Variants in CELF2 observed in about 807,000 individuals in gnomAD.
The protein encoded by CELF2 is CUGBP Elav-like family member 2.
Under a neutral mutation model 62.6 loss-of-function variants are expected in CELF2, and 8 were observed. The ratio of observed to expected loss-of-function variants is 0.13; its 90% CI spans 0.07 to 0.23. The LOEUF is 0.23. Ranked by LOEUF, CELF2 falls within the 10% of genes least tolerant of loss-of-function variation. The pLI is 1.00. For synonymous variants in CELF2, 258 were observed against 250.0 expected, an observed-to-expected ratio of 1.03 and a Z score of -0.30; for missense variants, 333 against 671.0, an observed-to-expected ratio of 0.50 and a Z score of 5.56.
In CELF2 at chr10:11,214,138, G is replaced by A. The variant is rs571743919; in HGVS notation, c.272-3287G>A. 6.6e-6 allele frequency among the ~76,000 whole-genome samples: 1 copy of A among 152,132 alleles called. No homozygotes were observed. Among genetic ancestry groups the A allele is most frequent in the African/African-American group, 2.4e-5 (1 of 41,416 alleles). ...TATCTCTACAAAAATGTAAAAAGTA[G>A]TCAGGCATGGTAGCACACACCTGTA... On this transcript the variant is annotated intron_variant, in intron 2 of 12. Transcript: ENST00000633077. The surrounding 1 kb of genome is among the most constrained non-coding windows in gnomAD (Gnocchi z 4.2).
rs1225779031 is a variant in CELF2 at position 10,990,973 on chromosome 10, G to A, written c.89+70974G>A. On this transcript the variant is annotated intron_variant, in intron 2 of 13. Transcript: ENST00000636488. This position sits in a 1 kb window ranked among gnomAD's most constrained non-coding sequence, Gnocchi z 4.6. ...ATCTTTTTGAGGTTCTTTTGCGTGTGTGTGTGTGTGTGTGTGCCCACACGT... is the reference window on the plus strand; with the variant it reads ...ATCTTTTTGAGGTTCTTTTGCGTGTATGTGTGTGTGTGTGTGCCCACACGT... Among the ~76,000 whole-genome samples the A allele has an allele frequency of 6.6e-6, 1 of 151,806 alleles. No individual in the cohort carries two copies. The highest frequency in any genetic ancestry group is 1.5e-5 in the Non-Finnish European group (1 of 67,998).
rs34283995 is a variant in CELF2 at position 10,927,346 on chromosome 10, T to TAAAAAAA, written c.89+7361_89+7367dup. 1.7e-4 allele frequency: 15 copies of TAAAAAAA among 85,832 alleles called. 1 individual carries two copies. The highest frequency in any genetic ancestry group is 6.2e-3 in the Middle Eastern group (1 of 162). The allele number at this position is 85,832 out of a possible 1,614,324, so 5.3% of individuals were successfully genotyped here. On this transcript the variant is annotated intron_variant, in intron 2 of 13. Transcript: ENST00000636488. Reference sequence around the variant, plus strand: ...CACTCAAAGGAGAACCTAGTGACATTAAAAAAAAAAAAAAAAAAAACACCT... The same window carrying TAAAAAAA: ...CACTCAAAGGAGAACCTAGTGACATTAAAAAAAAAAAAAAAAAAAAAAAAAAACACCT...
the CELF2 span, among the ~76,000 whole-genome samples, chr10:10,507,294 G>T: frequency 2.9e-4 from 1 of 3,490 alleles, no homozygotes; most frequent in Admixed American, 7.4e-3. Context: ...ACTAACATCC[G>T]GAAATACTCA....
chr10:11,300,458 C>T lies in CELF2; in HGVS notation c.976+11906C>T, dbSNP rs910137360. 3.3e-5 allele frequency among the ~76,000 whole-genome samples: 5 copies of T among 152,206 alleles called. No individual in the cohort carries two copies. The highest frequency in any genetic ancestry group is 7.3e-5 in the Non-Finnish European group (5 of 68,034). On this transcript the variant is annotated intron_variant, in intron 9 of 12. Transcript: ENST00000633077. The surrounding 1 kb of genome is among the most constrained non-coding windows in gnomAD (Gnocchi z 5.5). ...CACCAATGTCTCTGGGGAAGGTACC[C>T]TCTTCCAGGCTGGGAGTGTGAGGTC... is the stretch of plus-strand genomic sequence containing the variant.
rs537029941 is a variant in CELF2, at chr10:11,331,451, T to C, written c.*2398T>C. On this transcript the variant is annotated 3_prime_UTR_variant, in exon 13 of 13. Coordinates refer to ENST00000633077, the MANE Select transcript of CELF2 (RefSeq NM_001326342.2). ...TTAGATGTGTTTGTGTTCAGCAAAA[T>C]GTGATGTTTTTTTCTTTTAAAGAAA... 6.1e-3 allele frequency: 14 copies of C among 2,312 alleles called. No individual in the cohort carries two copies. The highest frequency in any genetic ancestry group is 8.0e-3 in the African/African-American group (14 of 1,750). The allele number at this position is 2,312 out of a possible 1,614,324, so 0.1% of individuals were successfully genotyped here.
At chr10:10,799,534 G>C (rs986549741) in intron 1 of CELF2, among the ~76,000 whole-genome samples, 1 of 151,994 alleles carries the variant, frequency 6.6e-6, no homozygotes, top group Non-Finnish European at 1.5e-5. Context: ...TTTCCAGAAA[G>C]CCTTATTAGG....
chr10:11,101,750 T>C (rs993075934), intron 1 of CELF2, among the ~76,000 whole-genome samples: 2 of 152,228 alleles, frequency 1.3e-5, no homozygotes, highest in African/African-American at 2.4e-5. Flanking sequence ...CCAAGCATCA[T>C]TTCTCCCTTG....
At position 11,220,519 on chromosome 10, in the gene CELF2, C is replaced by T. The variant is rs369488655; in HGVS notation, c.354+3012C>T. 1.3e-5 allele frequency among the ~76,000 whole-genome samples: 2 copies of T among 152,182 alleles called. No individual in the cohort carries two copies. Among genetic ancestry groups the T allele is most frequent in the African/African-American group, 4.8e-5 (2 of 41,440 alleles). On this transcript the variant is annotated intron_variant, in intron 3 of 12. Transcript: ENST00000633077. The surrounding 1 kb of genome is among the most constrained non-coding windows in gnomAD (Gnocchi z 4.4). ...AACCCTTTACATGGGGCTGGAGAAA[C>T]GACTCCCAGATTGAGGTGACAGATC...
At chr10:10,781,197 A>G in the CELF2 span, among the ~76,000 whole-genome samples, 1 of 152,244 alleles carries the variant, frequency 6.6e-6, no homozygotes, top group Non-Finnish European at 1.5e-5. Flanking sequence ...GACCACATAT[A>G]TGAGTGGCCC....
chr10:11,143,551 G>T (rs1343979577), intron 1 of CELF2, among the ~76,000 whole-genome samples: 3 of 152,188 alleles, frequency 2.0e-5, no homozygotes, highest in African/African-American at 4.8e-5. Flanking sequence ...CACCCCAGAA[G>T]AATTAGTTGG....
upstream of CELF2, chr10:11,005,257 A>AGG (rs1405249207): frequency 3.9e-4 from 136 of 350,146 alleles, no homozygotes; most frequent in Non-Finnish European, 4.6e-4. This position sits in a 1 kb window ranked among gnomAD's most constrained non-coding sequence, Gnocchi z 4.3. Flanking sequence ...AGAGAGAGGG[A>AGG]GAGAGAGAGA....
chr10:10,942,596 A>T (rs1209670030), intron 2 of CELF2, among the ~76,000 whole-genome samples: 1 of 152,186 alleles, frequency 6.6e-6, no homozygotes, highest in Non-Finnish European at 1.5e-5. Context: ...AACTTAATCT[A>T]ATGACATGCC....
intron 1 of CELF2, among the ~76,000 whole-genome samples, chr10:11,056,844 C>T (rs559696417): frequency 3.9e-5 from 6 of 152,224 alleles, no homozygotes; most frequent in Non-Finnish European, 8.8e-5. Context: ...AGCAATAACT[C>T]TGAAAACTTA....
At chr10:11,037,994 AG>A (rs950841619) in intron 1 of CELF2, among the ~76,000 whole-genome samples, 6 of 152,144 alleles carry the variant, frequency 3.9e-5, no homozygotes, top group African/African-American at 1.4e-4. Flanking sequence ...CAGTGATTTT[AG>A]TATGTAGTTT....
intron 1 of CELF2, among the ~76,000 whole-genome samples, chr10:11,059,155 C>T (rs2066102044): frequency 6.6e-6 from 1 of 152,216 alleles, no homozygotes; most frequent in South Asian, 2.1e-4. Flanking sequence ...CACTAGTAAA[C>T]AGAACCATCA....
chr10:11,298,046 T>C (rs2093366486), intron 9 of CELF2, among the ~76,000 whole-genome samples: 1 of 152,248 alleles, frequency 6.6e-6, no homozygotes, highest in African/African-American at 2.4e-5. Flanking sequence ...GAAGTTTTTA[T>C]GTTTTTGTTT....
intron 3 of CELF2, among the ~76,000 whole-genome samples, chr10:11,240,486 C>T (rs904719460): frequency 3.4e-4 from 52 of 152,236 alleles, no homozygotes; most frequent in African/African-American, 1.2e-3. Flanking sequence ...GTGAAAGAAA[C>T]CTCAGAGTCT....
At chr10:10,805,650 G>T (rs1230284766) in intron 1 of CELF2, among the ~76,000 whole-genome samples, 1 of 152,084 alleles carries the variant, frequency 6.6e-6, no homozygotes, top group South Asian at 2.1e-4. Flanking sequence ...GGAGACGGGT[G>T]GATGAAATCA....
chr10:11,231,343 G>C (rs2068571431), intron 3 of CELF2, among the ~76,000 whole-genome samples: 1 of 152,240 alleles, frequency 6.6e-6, no homozygotes, highest in African/African-American at 2.4e-5. Context: ...AGCAGCTGCT[G>C]CTTATTAGAC....
Sources: gnomAD v4.1 joint callset for allele counts (sites outside exome capture counted in the v4.1 genomes callset) on GRCh38, gnomAD v4.1.1 for gene constraint, Gnocchi (gnomAD v3.1) non-coding constraint, MANE v1.5 for transcripts, NCBI Gene and HGNC (gene_info 2026-07-23, HGNC 2026-07-21) for gene names.